Variants in DYRK1A observed in about 807,000 individuals in gnomAD.
The protein encoded by DYRK1A is dual specificity tyrosine-phosphorylation-regulated kinase 1A.
Under a neutral mutation model 79.7 loss-of-function variants are expected in DYRK1A, and 9 were observed. The observed-to-expected ratio is 0.11, with a 90% CI of 0.07 to 0.20. The LOEUF is 0.20. Ranked by LOEUF, DYRK1A falls within the 10% of genes least tolerant of loss-of-function variation. The pLI is 1.00. For synonymous variants in DYRK1A, 349 were observed against 329.7 expected (o/e 1.06, Z -0.63); for missense variants, 622 against 956.0 (o/e 0.65, Z 4.61).
intron 1 of DYRK1A, among the ~76,000 whole-genome samples, chr21:37,393,403 T>G (rs2049906279): frequency 6.6e-6 from 1 of 152,186 alleles, no homozygotes; most frequent in South Asian, 2.1e-4. Flanking sequence ...ATAAACTGTC[T>G]TTTTTCTGGG....
At position 37,521,250 on chromosome 21, in the gene DYRK1A, T is replaced by G. The variant is rs557276866; in HGVS notation, c.*8719T>G. 4 of 152,324 alleles carry G rather than the reference T, an allele frequency of 2.6e-5. No homozygotes were observed. The highest frequency in any genetic ancestry group is 9.6e-5 in the African/African-American group (4 of 41,558). The allele number at this position is 152,324 out of a possible 1,614,324, so 9.4% of individuals were successfully genotyped here. On this transcript the variant is annotated 3_prime_UTR_variant, in exon 12 of 12. Coordinates refer to ENST00000647188, the MANE Select transcript of DYRK1A (RefSeq NM_001347721.2). ...GATGCAAGAAGCAAAACGGTAAATTTCCTTTTACTGGCAAAATTAAAACAG... is the reference window on the plus strand; with the variant it reads ...GATGCAAGAAGCAAAACGGTAAATTGCCTTTTACTGGCAAAATTAAAACAG...
chr21:37,405,105 T>C (rs929294610), intron 1 of DYRK1A, among the ~76,000 whole-genome samples: 3 of 152,126 alleles, frequency 2.0e-5, no homozygotes, highest in African/African-American at 7.2e-5. Flanking sequence ...TTATATTTCA[T>C]GGGGTAGGTA....
intron 1 of DYRK1A, among the ~76,000 whole-genome samples, chr21:37,373,532 C>T (rs1466635467): frequency 1.3e-5 from 2 of 152,188 alleles, no homozygotes; most frequent in Non-Finnish European, 2.9e-5. Flanking sequence ...TTATCTAAGG[C>T]TGATATGGTG....
At chr21:37,425,840 G>C (rs2050603329) in intron 2 of DYRK1A, 1 of 152,270 alleles carries the variant, frequency 6.6e-6, no homozygotes. Context: ...CATTTGTGCA[G>C]AAGGAGGCAT....
chr21:37,475,012 A>C (rs978152679), intron 3 of DYRK1A, among the ~76,000 whole-genome samples: 2 of 152,372 alleles, frequency 1.3e-5, no homozygotes, highest in African/African-American at 4.8e-5. Context: ...ATTATAATGG[A>C]AAACAGTTTT....
intron 2 of DYRK1A, among the ~76,000 whole-genome samples, chr21:37,466,295 T>C (rs2052022928): frequency 6.6e-6 from 1 of 152,150 alleles, no homozygotes; most frequent in Non-Finnish European, 1.5e-5. Context: ...GAAATCAACA[T>C]AGTGGATGAG....
At chr21:37,496,376 A>G (rs1053673181) in intron 9 of DYRK1A, 118 bp downstream of exon 9, 1 of 969,530 alleles carries the variant, frequency 1.0e-6, no homozygotes, top group Non-Finnish European at 1.5e-6. Flanking sequence ...GATTTTATTG[A>G]TACCTTACAT....
At chr21:37,400,538 G>C (rs2050034341) in intron 1 of DYRK1A, among the ~76,000 whole-genome samples, 4 of 152,182 alleles carry the variant, frequency 2.6e-5, no homozygotes, top group Admixed American at 2.6e-4. Context: ...TTAACTTGAT[G>C]ATCCAAATTT....
At chr21:37,413,330 C>T (rs755345834) in intron 1 of DYRK1A, among the ~76,000 whole-genome samples, 5 of 152,134 alleles carry the variant, frequency 3.3e-5, no homozygotes, top group Non-Finnish European at 5.9e-5. Flanking sequence ...TAATTACATA[C>T]GTATAAAAGT....
intron 3 of DYRK1A, among the ~76,000 whole-genome samples, chr21:37,477,796 G>A (rs2052453730): frequency 6.6e-6 from 1 of 152,156 alleles, no homozygotes; most frequent in African/African-American, 2.4e-5. Context: ...CTGAGGGCTG[G>A]GTTTATCTTT....
At chr21:37,432,183 A>T (rs1292381004) in intron 2 of DYRK1A, among the ~76,000 whole-genome samples, 1 of 152,060 alleles carries the variant, frequency 6.6e-6, no homozygotes, top group African/African-American at 2.4e-5. Context: ...AGGTTCTAGG[A>T]GCCTTTTTTT....
intron 1 of DYRK1A, among the ~76,000 whole-genome samples, chr21:37,417,437 G>A (rs1329277729): frequency 2.0e-5 from 3 of 150,858 alleles, no homozygotes; most frequent in African/African-American, 7.3e-5. Context: ...CAGGTGATAC[G>A]CCCACCTCGG....
chr21:37,519,987 C>T lies in DYRK1A; in HGVS notation c.*7456C>T, dbSNP rs763605473. ...GTCTCAGTCTCCTGACCTTGTGATC[C>T]ATCTGCCTTGGCCTCCCAAAGTGCT... On this transcript the variant is annotated 3_prime_UTR_variant, in exon 12 of 12. Transcript: ENST00000647188. The T allele has an allele frequency of 6.6e-6, 1 of 152,090 alleles. No homozygotes were observed. Among genetic ancestry groups the T allele is most frequent in the Non-Finnish European group, 1.5e-5 (1 of 68,058 alleles). 9.4% of individuals were successfully genotyped at this position (152,090 alleles called of 1,614,324 possible).
chr21:37,483,375 A>C (rs1301257475), intron 5 of DYRK1A, among the ~76,000 whole-genome samples: 1 of 152,186 alleles, frequency 6.6e-6, no homozygotes, highest in Non-Finnish European at 1.5e-5. Context: ...ATAAACGTGT[A>C]AGCAAATATG....
chr21:37,415,155 C>T (rs1369515269), intron 1 of DYRK1A, among the ~76,000 whole-genome samples: 1 of 152,162 alleles, frequency 6.6e-6, no homozygotes, highest in Non-Finnish European at 1.5e-5. Context: ...CAGATGTGCT[C>T]TCAGAGATAC....
Position 37,523,083 on chromosome 21 carries a change from AG to A in DYRK1A, c.*10554del, listed in dbSNP as rs1408973395. 6.6e-6 allele frequency: 1 copy of A among 152,316 alleles called. No homozygotes were observed. The highest frequency in any genetic ancestry group is 1.5e-5 in the Non-Finnish European group (1 of 68,130). The allele number at this position is 152,316 out of a possible 1,614,324, so 9.4% of individuals were successfully genotyped here. On this transcript the variant is annotated 3_prime_UTR_variant, in exon 12 of 12. Coordinates refer to ENST00000647188, the MANE Select transcript of DYRK1A (RefSeq NM_001347721.2). ...GGGATAGGGTCTTGCTGTGTTGCCC[AG>A]GCTGCAGTGCAGTGGTATGATCTCT... is the stretch of plus-strand genomic sequence containing the variant.
intron 9 of DYRK1A, among the ~76,000 whole-genome samples, chr21:37,499,401 A>T (rs969924103): frequency 6.6e-5 from 10 of 152,146 alleles, no homozygotes; most frequent in African/African-American, 2.4e-4. Context: ...TATGTTTTCT[A>T]TTCTAGGTCC....
intron 1 of DYRK1A, chr21:37,418,828 C>T (rs1161279962): frequency 6.6e-6 from 1 of 152,082 alleles, no homozygotes; most frequent in African/African-American, 2.4e-5. Flanking sequence ...CCGTAACAGG[C>T]ATTTGAATTG....
chr21:37,385,380 C>T (rs1369856711), intron 1 of DYRK1A, among the ~76,000 whole-genome samples: 1 of 152,168 alleles, frequency 6.6e-6, no homozygotes, highest in Non-Finnish European at 1.5e-5. Flanking sequence ...CTTCTAAGCT[C>T]ATATGGTTGT....
Sources: allele counts gnomAD v4.1 joint callset (sites outside exome capture counted in the v4.1 genomes callset), GRCh38; gene constraint gnomAD v4.1.1; transcripts MANE v1.5; gene names NCBI Gene and HGNC (gene_info 2026-07-23, HGNC 2026-07-21).